The following SSR1 variants were observed in gnomAD, a reference collection of about 807,000 sequenced individuals.
SSR1 encodes the protein signal sequence receptor subunit 1.
A neutral mutation model predicts 36.1 loss-of-function variants in SSR1; 13 were observed. The observed-to-expected ratio is 0.36, with a 90% CI of 0.23 to 0.57. SSR1 has a LOEUF of 0.57. Among genes scored for constraint, SSR1 ranks in the 20% least tolerant of loss-of-function variants. SSR1 has a pLI of 0.81. For missense variants in SSR1, 291 were observed against 338.5 expected (o/e 0.86, Z 1.10); for synonymous variants, 113 against 118.9 (o/e 0.95, Z 0.32).
At chr6:7,292,281 T>G (rs1293462197) in intron 7 of SSR1, among the ~76,000 whole-genome samples, 2 of 152,206 alleles carry the variant, frequency 1.3e-5, no homozygotes, top group Non-Finnish European at 2.9e-5. Context: ...TTCTCTTTCC[T>G]AGATTATGGG....
chr6:7,302,008 G>A (rs904294100), intron 3 of SSR1, among the ~76,000 whole-genome samples: 2 of 152,114 alleles, frequency 1.3e-5, no homozygotes, highest in Admixed American at 6.5e-5. Context: ...CTGTTAGAAC[G>A]TAAAAATTAA....
At chr6:7,310,224 A>ATTTTTT (rs10633004) in intron 1 of SSR1, among the ~76,000 whole-genome samples, 195 bp from the exon 2 acceptor site, 14,898 of 138,998 alleles carry the variant, frequency 0.11, 1,077 homozygotes, top group Non-Finnish European at 0.17. Context: ...CTGCATATCA[A>ATTTTTT]TTTTTTTTTT....
intron 5 of SSR1, 65 bp downstream of exon 5, chr6:7,298,680 CAG>C: frequency 1.6e-6 from 2 of 1,231,764 alleles, no homozygotes; most frequent in Non-Finnish European, 2.4e-6. Context: ...AATGCTGAAA[CAG>C]AGCAAGCTTT....
intron 2 of SSR1, among the ~76,000 whole-genome samples, chr6:7,306,718 C>G (rs891641291): frequency 6.6e-6 from 1 of 151,358 alleles, no homozygotes; most frequent in African/African-American, 2.4e-5. Context: ...AGATCGAGAC[C>G]ATCCTGGCTA....
In SSR1 at chr6:7,282,662, T is replaced by C. The variant is rs892363131; in HGVS notation, c.*7202A>G. 2 of 152,260 alleles carry C rather than the reference T, an allele frequency of 1.3e-5. No individual in the cohort carries two copies. Among genetic ancestry groups the C allele is most frequent in the African/African-American group, 4.8e-5 (2 of 41,474 alleles). The allele number at this position is 152,260 out of a possible 1,614,324, so 9.4% of individuals were successfully genotyped here. On this transcript the variant is annotated 3_prime_UTR_variant, in exon 8 of 8. Coordinates refer to ENST00000244763, the MANE Select transcript of SSR1 (RefSeq NM_003144.5). ...GCTTCAGTATAAACCAGATGTGTGCTAGCTGGGTGGACTTCAAGTAAGGAG... is the reference window on the plus strand; with the variant it reads ...GCTTCAGTATAAACCAGATGTGTGCCAGCTGGGTGGACTTCAAGTAAGGAG...
rs745339102 is a variant in SSR1, at chr6:7,283,850, A to G, written c.*6014T>C. 2.6e-5 allele frequency: 4 copies of G among 152,284 alleles called. No individual in the cohort carries two copies. The highest frequency in any genetic ancestry group is 5.9e-5 in the Non-Finnish European group (4 of 68,102). The allele number at this position is 152,284 out of a possible 1,614,324, so 9.4% of individuals were successfully genotyped here. A position where few individuals can be genotyped will look rare whatever the true frequency, so the allele number is the denominator to read the frequency against. ...CTCCCTGCCAAAAGGCTCCTACCCT[A>G]TTCCAACCAAGCCGGAAATGGCAAC... On this transcript the variant is annotated 3_prime_UTR_variant, in exon 8 of 8. Coordinates refer to ENST00000244763, the MANE Select transcript of SSR1 (RefSeq NM_003144.5).
intron 6 of SSR1, among the ~76,000 whole-genome samples, chr6:7,295,846 T>C (rs1757783866): frequency 6.6e-6 from 1 of 152,250 alleles, no homozygotes; most frequent in African/African-American, 2.4e-5. Context: ...ACATTTATTT[T>C]CAGGCTTTAA....
chr6:7,308,318 C>T (rs887457752), intron 2 of SSR1, among the ~76,000 whole-genome samples: 42 of 151,866 alleles, frequency 2.8e-4, no homozygotes, highest in Non-Finnish European at 5.4e-4. Flanking sequence ...AACAGATTTG[C>T]TTAGTTGGAA....
chr6:7,303,684 A>C (rs755820542), intron 2 of SSR1, 47 bp from the exon 3 acceptor site: 4 of 1,430,570 alleles, frequency 2.8e-6, no homozygotes, highest in South Asian at 1.2e-5. Context: ...GAGAAAAAAA[A>C]ATCATTATTT....
At chr6:7,305,543 T>C (rs1329125021) in intron 2 of SSR1, among the ~76,000 whole-genome samples, 2 of 152,194 alleles carry the variant, frequency 1.3e-5, no homozygotes, top group African/African-American at 4.8e-5. Context: ...GGATGAACAG[T>C]ATAAGCAGAT....
In SSR1 at chr6:7,303,754, G is replaced by A. The variant is rs1757989835; in HGVS notation, c.193-117C>T. On this transcript the variant is annotated intron_variant, in intron 2 of 7. Transcript: ENST00000244763. ...ACTTATAATCTCAGCACTTGGCCGA[G>A]GCAGGCAGATCACCTGAAGTCAGGA... 7.3e-6 allele frequency: 5 copies of A among 680,378 alleles called. No individual in the cohort carries two copies. The Admixed American group carries it at 1.3e-4, about 18-fold the overall frequency. The allele number at this position is 680,378 out of a possible 1,614,324, so 42.1% of individuals were successfully genotyped here.
intron 4 of SSR1, among the ~76,000 whole-genome samples, chr6:7,300,458 A>G (rs1371177553): frequency 6.6e-6 from 1 of 152,190 alleles, no homozygotes; most frequent in Non-Finnish European, 1.5e-5. Flanking sequence ...GGTTCTCCTA[A>G]ATCAAAAAGT....
chr6:7,301,451 G>A lies in SSR1; in HGVS notation c.402C>T (p.Ile134=). The A allele has an allele frequency of 6.2e-7, 1 of 1,614,094 alleles. No homozygotes were observed. The highest frequency in any genetic ancestry group is 1.1e-5 in the South Asian group (1 of 91,074). Reference sequence around the variant, plus strand: ...TCAGAGGAAGAGCTGTGAAATTCTGGATATAAAACTGGTAGTCCTGAGGAT... The same window carrying A: ...TCAGAGGAAGAGCTGTGAAATTCTGAATATAAAACTGGTAGTCCTGAGGAT... ...FRYPQDYQFY[I]QNFTALPLNT... is the part of the protein sequence containing the mutation. The change falls in exon 4 of 8, where the codon ATC becomes ATT. Residue 134 remains isoleucine (I), a synonymous_variant. Coordinates refer to ENST00000244763, the MANE Select transcript of SSR1 (RefSeq NM_003144.5).
intron 7 of SSR1, among the ~76,000 whole-genome samples, 182 bp from the exon 8 acceptor site, chr6:7,290,113 C>T (rs3799512): frequency 0.37 from 56,265 of 152,088 alleles, 10,485 homozygotes; most frequent in South Asian, 0.43. Flanking sequence ...TAACATAATC[C>T]TTCAAGAGGT....
chr6:7,307,562 G>A (rs978945710), intron 2 of SSR1, among the ~76,000 whole-genome samples: 1 of 152,084 alleles, frequency 6.6e-6, no homozygotes, highest in African/African-American at 2.4e-5. Flanking sequence ...TTTTTTTAGA[G>A]ACAGGGTCTG....
At chr6:7,312,796 G>C (rs1019805033) in intron 1 of SSR1, among the ~76,000 whole-genome samples, 3 of 152,222 alleles carry the variant, frequency 2.0e-5, no homozygotes, top group African/African-American at 7.2e-5. Flanking sequence ...CCCTCGGCCG[G>C]CCACGAAGCA....
intron 7 of SSR1, among the ~76,000 whole-genome samples, chr6:7,294,396 T>C (rs1757746715): frequency 6.6e-6 from 1 of 152,140 alleles, no homozygotes; most frequent in African/African-American, 2.4e-5. Flanking sequence ...ATACCATTTA[T>C]GAAAAATAGG....
At chr6:7,307,109 C>T (rs11758313) in intron 2 of SSR1, among the ~76,000 whole-genome samples, 53,049 of 152,050 alleles carry the variant, frequency 0.35, 9,498 homozygotes, top group African/African-American at 0.43. Flanking sequence ...ATCTCCCAAT[C>T]CCTTGATGCC....
At chr6:7,307,314 T>C (rs75963102) in intron 2 of SSR1, among the ~76,000 whole-genome samples, 6,202 of 152,334 alleles carry the variant, frequency 0.041, 317 homozygotes, top group African/African-American at 0.12. Flanking sequence ...CCTGCCTTTC[T>C]ATTTCAATCT....
Sources: allele counts gnomAD v4.1 joint callset (sites outside exome capture counted in the v4.1 genomes callset), GRCh38; gene constraint gnomAD v4.1.1; transcripts MANE v1.5; gene names NCBI Gene and HGNC (gene_info 2026-07-23, HGNC 2026-07-21).